Variants in SLIRP observed in about 807,000 individuals in gnomAD.
SLIRP encodes SRA stem-loop interacting RNA binding protein.
In SLIRP, 12 loss-of-function variants were observed where a neutral mutation model predicts 13.4. The ratio of observed to expected loss-of-function variants is 0.89; its 90% CI spans 0.57 to 1.45. The LOEUF (loss-of-function observed/expected upper bound fraction) is 1.45. Among genes scored for constraint, SLIRP ranks in the 40% most tolerant of loss-of-function variants. The pLI, the probability that SLIRP is intolerant of heterozygous loss-of-function variation, is 0.00. For missense variants in SLIRP, 154 were observed against 132.2 expected (o/e 1.17, Z -0.81); for synonymous variants, 55 against 47.1 (o/e 1.17, Z -0.69).
intron 2 of SLIRP, among the ~76,000 whole-genome samples, chr14:77,714,500 T>C (rs176953): frequency 0.85 from 128,816 of 152,190 alleles, 54,627 homozygotes; most frequent in African/African-American, 0.89. Context: ...GGAGTTTCAC[T>C]ATGTTGGCCA....
rs761338639 is a variant in SLIRP, at chr14:77,717,597, A to G, written c.*36A>G. The stretch of plus-strand genomic sequence containing the variant: ...TATTAATAAAGTTAACATAACTGAG[A>G]ATTTTGTCTAAATGTTTTTATTTGA... On this transcript the variant is annotated 3_prime_UTR_variant, in exon 4 of 4. Transcript: ENST00000557342. 10 of 1,554,752 alleles carry G rather than the reference A, an allele frequency of 6.4e-6. No individual in the cohort carries two copies. The South Asian group carries it at 1.0e-4, about 16-fold the overall frequency.
At chr14:77,715,624 GAC>G in intron 2 of SLIRP, 146 bp from the exon 3 acceptor site, 2 of 669,254 alleles carry the variant, frequency 3.0e-6, no homozygotes, top group Admixed American at 3.0e-5. Context: ...CAGCCTGGGT[GAC>G]AGAGCAAGAC....
At chr14:77,709,636 T>C (rs74760352) in intron 1 of SLIRP, among the ~76,000 whole-genome samples, 2,908 of 152,350 alleles carry the variant, frequency 0.019, 36 homozygotes, top group South Asian at 0.05. Context: ...TAGGCATTGT[T>C]CTTGGTGCTT....
chr14:77,710,811 C>G, intron 1 of SLIRP, 27 bp from the exon 2 acceptor site: 2 of 1,613,858 alleles, frequency 1.2e-6, no homozygotes, highest in African/African-American at 2.7e-5. Context: ...ATAGTAACTA[C>G]TTTTAATGTT....
intron 2 of SLIRP, among the ~76,000 whole-genome samples, chr14:77,714,769 A>G (rs771223121): frequency 4.6e-5 from 7 of 152,182 alleles, no homozygotes; most frequent in Non-Finnish European, 1.0e-4. Flanking sequence ...TAGAGGAGCA[A>G]TTGTAAGATT....
Position 77,717,519 on chromosome 14 carries a change from A to G in SLIRP, c.288A>G (p.Pro96=). The G allele has an allele frequency of 6.2e-7, 1 of 1,614,142 alleles. No homozygotes were observed. The highest frequency in any genetic ancestry group is 8.5e-7 in the Non-Finnish European group (1 of 1,180,010). The change falls in exon 4 of 4, where the codon CCA becomes CCG. Residue 96 remains proline (P), a synonymous_variant. Transcript: ENST00000557342. The part of the protein sequence containing the change: ...GVKVQVHTRR[P]KLPQTSDDEK... The stretch of plus-strand genomic sequence containing the variant: ...AGGTCCAGGTTCACACTAGAAGGCC[A>G]AAACTTCCGCAAACATCTGATGATG...
rs1294570817 is a variant in SLIRP, at chr14:77,717,500, A to T, written c.269A>T (p.Gln90Leu). The T allele has an allele frequency of 3.1e-6, 5 of 1,613,740 alleles. No homozygotes were observed. In the African/African-American group the frequency reaches 6.7e-5, roughly 22 times the overall value. Residue 90 changes from glutamine (Q) to leucine (L), a missense_variant, in exon 4 of 4, where the codon CAG becomes CTG. Physicochemically the swap from Gln to Leu is moderately radical, Grantham distance 113. Coordinates refer to ENST00000557342, the MANE Select transcript of SLIRP (RefSeq NM_031210.6). ...ENHIIDGVKVQVHTRRPKLPQ... is the reference protein window; with the variant it reads ...ENHIIDGVKVLVHTRRPKLPQ... Reference sequence around the variant, plus strand: ...TACAGTGCTTATTTTTTTAAGGTCCAGGTTCACACTAGAAGGCCAAAACTT... The same window carrying T: ...TACAGTGCTTATTTTTTTAAGGTCCTGGTTCACACTAGAAGGCCAAAACTT...
intron 2 of SLIRP, among the ~76,000 whole-genome samples, chr14:77,712,741 C>T (rs117506698): frequency 0.054 from 8,239 of 152,238 alleles, 298 homozygotes; most frequent in Middle Eastern, 0.088. Context: ...CCTTCATGCC[C>T]GGCCATAATT....
intron 2 of SLIRP, among the ~76,000 whole-genome samples, chr14:77,714,481 A>C (rs779571740): frequency 1.6e-4 from 24 of 152,144 alleles, no homozygotes; most frequent in Non-Finnish European, 2.2e-4. Context: ...TTGTATTTTT[A>C]GTAGAGATGG....
At chr14:77,715,045 A>G (rs2080466013) in intron 2 of SLIRP, among the ~76,000 whole-genome samples, 1 of 152,188 alleles carries the variant, frequency 6.6e-6, no homozygotes, top group Admixed American at 6.5e-5. Flanking sequence ...CTTGTTTTTC[A>G]TTAGGAACAC....
At chr14:77,715,689 GAA>G (rs1272616418) in intron 2 of SLIRP, 81 bp from the exon 3 acceptor site, 1 of 1,167,246 alleles carries the variant, frequency 8.6e-7, no homozygotes, top group Admixed American at 2.2e-5. Flanking sequence ...TTTGGCAGAT[GAA>G]AAAGTTGGTA....
intron 2 of SLIRP, among the ~76,000 whole-genome samples, chr14:77,713,518 G>A (rs2080455959): frequency 6.6e-6 from 1 of 152,196 alleles, no homozygotes; most frequent in Non-Finnish European, 1.5e-5. Flanking sequence ...AAGTTGTTGA[G>A]AAGTTCAACT....
rs2080466531 is a variant in SLIRP, at chr14:77,715,108, A to T, written c.157-664A>T. On this transcript the variant is annotated intron_variant, in intron 2 of 3. Coordinates refer to ENST00000557342, the MANE Select transcript of SLIRP (RefSeq NM_031210.6). ...GTGACTGGATTCAGAAATGAGTGCAACAAGGCTTTGAGGCTTAATTTTCTA... is the reference window on the plus strand; with the variant it reads ...GTGACTGGATTCAGAAATGAGTGCATCAAGGCTTTGAGGCTTAATTTTCTA... 3.3e-5 allele frequency among the ~76,000 whole-genome samples: 5 copies of T among 152,258 alleles called. No individual in the cohort carries two copies. In the South Asian group the frequency reaches 1.0e-3, roughly 32 times the overall value.
Position 77,715,946 on chromosome 14 carries a change from T to C in SLIRP, c.264+67T>C, listed in dbSNP as rs1470423285. 5 of 1,176,232 alleles carry C rather than the reference T, an allele frequency of 4.3e-6. No homozygotes were observed. In the African/African-American group the frequency reaches 7.6e-5, roughly 18 times the overall value. 72.9% of individuals were successfully genotyped at this position (1,176,232 alleles called of 1,614,324 possible). ...TAGGTACTATTTAATTATGTATCAA[T>C]TAAATAGATCATAAATGTGGAATGA... On this transcript the variant is annotated intron_variant, in intron 3 of 3. Coordinates refer to ENST00000557342, the MANE Select transcript of SLIRP (RefSeq NM_031210.6).
chr14:77,710,409 G>A (rs1180789599), intron 1 of SLIRP: 1 of 416,882 alleles, frequency 2.4e-6, no homozygotes, highest in East Asian at 7.0e-5. Context: ...GGGAAATAAG[G>A]CAGGAAGGGT....
At chr14:77,715,131 C>T (rs1420497647) in intron 2 of SLIRP, among the ~76,000 whole-genome samples, 3 of 151,972 alleles carry the variant, frequency 2.0e-5, no homozygotes, top group Admixed American at 1.3e-4. Flanking sequence ...GCTTAATTTT[C>T]TAGTTTCTAG....
At chr14:77,712,665 C>T (rs1274642521) in intron 2 of SLIRP, among the ~76,000 whole-genome samples, 3 of 152,074 alleles carry the variant, frequency 2.0e-5, no homozygotes. Flanking sequence ...AGGCTGGTCT[C>T]GAACTCCTGA....
At chr14:77,709,390 G>A (rs176942) in intron 1 of SLIRP, among the ~76,000 whole-genome samples, 137,978 of 152,232 alleles carry the variant, frequency 0.91, 62,984 homozygotes, top group Non-Finnish European at 0.97. Flanking sequence ...TTTGTGCCCC[G>A]TGTTTTAAAC....
At chr14:77,712,545 C>T (rs1305225573) in intron 2 of SLIRP, among the ~76,000 whole-genome samples, 3 of 145,584 alleles carry the variant, frequency 2.1e-5, no homozygotes, top group Admixed American at 6.9e-5. Context: ...CCTGGGTTCA[C>T]GCCATTCTCC....
Sources: allele counts gnomAD v4.1 joint callset (sites outside exome capture counted in the v4.1 genomes callset), GRCh38; gene constraint gnomAD v4.1.1; transcripts MANE v1.5; gene names NCBI Gene and HGNC (gene_info 2026-07-23, HGNC 2026-07-21).